NFKBIZ: variants seen among roughly 807,000 people sequenced by gnomAD.
NFKBIZ encodes NFKB inhibitor zeta.
In NFKBIZ, 19 loss-of-function variants were observed where a neutral mutation model predicts 76.8. That is an observed-to-expected ratio of 0.25 (90% CI 0.17 to 0.36). The LOEUF (loss-of-function observed/expected upper bound fraction) is 0.36, where lower values mean the gene tolerates loss of function less well. Ranked by LOEUF, NFKBIZ falls within the 10% of genes least tolerant of loss-of-function variation. NFKBIZ has a pLI of 1.00. For missense variants in NFKBIZ, 829 were observed against 910.9 expected (o/e 0.91, Z 1.16); for synonymous variants, 368 against 354.8 (o/e 1.04, Z -0.42).
chr3:101,855,509 A>T, intron 8 of NFKBIZ, 51 bp downstream of exon 8: 1 of 1,532,168 alleles, frequency 6.5e-7, no homozygotes, highest in Non-Finnish European at 9.0e-7. Flanking sequence ...GGGAACCATA[A>T]GGTCTAAGGG....
At chr3:101,849,275 G>T, upstream of NFKBIZ, 1 of 185,472 alleles carries the variant, frequency 5.4e-6, no homozygotes, top group Admixed American at 6.2e-5. Flanking sequence ...GCGCGCTGTC[G>T]GGGTTTCCCG....
intron 1 of NFKBIZ, chr3:101,850,460 C>T (rs946673354): frequency 1.3e-5 from 2 of 152,164 alleles, no homozygotes; most frequent in African/African-American, 2.4e-5. Context: ...TCAAGTTATG[C>T]CTTTAGTTTG....
upstream of NFKBIZ, among the ~76,000 whole-genome samples, chr3:101,845,456 G>T (rs143383390): frequency 6.6e-6 from 1 of 151,976 alleles, no homozygotes; most frequent in East Asian, 2.0e-4. Context: ...ACCATGCCCA[G>T]CTAATTTTTA....
At chr3:101,851,344 A>G (rs994988993) in intron 1 of NFKBIZ, among the ~76,000 whole-genome samples, 29 of 152,262 alleles carry the variant, frequency 1.9e-4, no homozygotes, top group African/African-American at 7.0e-4. Flanking sequence ...AAACAAGCAT[A>G]TTTCCTTTTT....
At chr3:101,855,499 GGGAACCA>G in intron 8 of NFKBIZ, 41 bp downstream of exon 8, 1 of 1,571,248 alleles carries the variant, frequency 6.4e-7, no homozygotes, top group Non-Finnish European at 8.8e-7. Flanking sequence ...GCCACTTAGG[GGGAACCA>G]TAAGGTCTAA....
rs1312794072 is a variant in NFKBIZ, at chr3:101,854,490, G to A, written c.1338-88G>A. The stretch of plus-strand genomic sequence containing the variant: ...GAGTGTACCAATATATAAAAAGGGG[G>A]CTAAAGGAAGATTTTTTTTTTTTTT... On this transcript the variant is annotated intron_variant, in intron 5 of 11. Coordinates refer to ENST00000326172, the MANE Select transcript of NFKBIZ (RefSeq NM_031419.4). The A allele has an allele frequency of 2.3e-5, 18 of 791,202 alleles. No individual in the cohort carries two copies. In the East Asian group the frequency reaches 3.1e-4, roughly 14 times the overall value. The allele number at this position is 791,202 out of a possible 1,614,324, so 49.0% of individuals were successfully genotyped here. A position where few individuals can be genotyped will look rare whatever the true frequency, so the allele number is the denominator to read the frequency against.
Position 101,853,338 on chromosome 3 carries a change from C to A in NFKBIZ, c.812C>A (p.Pro271Gln). Residue 271 changes from proline (P) to glutamine (Q), a missense_variant, in exon 5 of 12, where the codon CCA (proline) becomes CAA (glutamine). By Grantham distance (76) the Pro-to-Gln change is moderately conservative. Around this residue, in one of 4 missense-constraint regions of NFKBIZ, gnomAD observed 371 missense variants for 332.3 expected, o/e 1.12. Coordinates refer to ENST00000326172, the MANE Select transcript of NFKBIZ (RefSeq NM_031419.4). ...TTTTCTCCACCTCAGAAATGCCAAC[C>A]ATTCCAAGTCAGGGGCTCCCAACAA... ...QVFSPPQKCQ[P>Q]FQVRGSQQMI... The A allele has an allele frequency of 6.2e-7, 1 of 1,614,164 alleles. No homozygotes were observed. Among genetic ancestry groups the A allele is most frequent in the Non-Finnish European group, 8.5e-7 (1 of 1,180,044 alleles).
rs1185417542 is a variant in NFKBIZ, at chr3:101,849,751, C to T, written c.123C>T (p.Pro41=). Residue 41 remains proline, a synonymous_variant, in exon 1 of 12, where the codon CCC becomes CCT. Transcript: ENST00000326172. ...NLSYFYGASP[P]AAAPGACDAS... is the part of the protein sequence containing the mutation. Reference sequence around the variant, plus strand: ...GCTACTTCTACGGCGCGTCGCCGCCCGCCGCCGCCCCGGGCGCCTGCGACG... The same window carrying T: ...GCTACTTCTACGGCGCGTCGCCGCCTGCCGCCGCCCCGGGCGCCTGCGACG... 2 of 1,450,102 alleles carry T rather than the reference C, an allele frequency of 1.4e-6. No individual in the cohort carries two copies. Among genetic ancestry groups the T allele is most frequent in the Non-Finnish European group, 1.8e-6 (2 of 1,106,588 alleles). 89.8% of individuals were successfully genotyped at this position (1,450,102 alleles called of 1,614,324 possible).
intron 1 of NFKBIZ, among the ~76,000 whole-genome samples, chr3:101,851,581 A>G (rs1181599813): frequency 6.6e-6 from 1 of 152,234 alleles, no homozygotes; most frequent in Non-Finnish European, 1.5e-5. Context: ...AGCGGAATTG[A>G]TAGACTTTAA....
intron 5 of NFKBIZ, among the ~76,000 whole-genome samples, chr3:101,854,089 A>G (rs1224460462): frequency 6.6e-6 from 1 of 152,202 alleles, no homozygotes; most frequent in African/African-American, 2.4e-5. Flanking sequence ...CTAAATTGAT[A>G]AAAATATCTG....
intron 2 of NFKBIZ, among the ~76,000 whole-genome samples, chr3:101,844,320 T>C (rs1942823260): frequency 6.6e-6 from 1 of 152,264 alleles, no homozygotes; most frequent in African/African-American, 2.4e-5. Flanking sequence ...TTAATATTGT[T>C]ACTGCTTCAT....
intron 9 of NFKBIZ, among the ~76,000 whole-genome samples, chr3:101,856,340 G>A (rs568296575): frequency 1.3e-5 from 2 of 152,270 alleles, no homozygotes; most frequent in East Asian, 1.9e-4. Context: ...GTGAGCCACC[G>A]CGCCCGGCCA....
At chr3:101,843,307 G>C (rs140634607) in intron 2 of NFKBIZ, among the ~76,000 whole-genome samples, 117 of 152,180 alleles carry the variant, frequency 7.7e-4, no homozygotes, top group African/African-American at 2.7e-3. Flanking sequence ...GCCAGGCCTG[G>C]TGGGGCATGC....
rs181006831 is a variant in NFKBIZ at position 101,834,837 on chromosome 3, G to A, written c.-12+5149G>A. 2.3e-4 allele frequency among the ~76,000 whole-genome samples: 35 copies of A among 152,276 alleles called. 1 individual carries two copies. Among genetic ancestry groups the A allele is most frequent in the Admixed American group, 2.1e-3 (32 of 15,302 alleles). On this transcript the variant is annotated intron_variant, in intron 2 of 12. Coordinates refer to the NFKBIZ transcript ENST00000394054. Reference sequence around the variant, plus strand: ...CTTCCACACAGCTGCCACTGTGATCGTGTTTTTATCTTGTTCGAAACCCCT... The same window carrying A: ...CTTCCACACAGCTGCCACTGTGATCATGTTTTTATCTTGTTCGAAACCCCT...
chr3:101,841,145 T>A (rs1259253596), intron 2 of NFKBIZ, among the ~76,000 whole-genome samples: 3 of 152,216 alleles, frequency 2.0e-5, no homozygotes, highest in African/African-American at 7.2e-5. Flanking sequence ...TGGTATACTG[T>A]GCTTTGATAT....
chr3:101,852,344 C>CA (rs1248418966), intron 2 of NFKBIZ, 120 bp downstream of exon 2: 2 of 1,237,650 alleles, frequency 1.6e-6, no homozygotes, highest in East Asian at 4.6e-5. Context: ...CATAAGATGA[C>CA]AAAGTCCATA....
rs754103884 is a variant in NFKBIZ, at chr3:101,852,905, A to G, written c.480A>G (p.Ser160=). The G allele has an allele frequency of 6.2e-7, 1 of 1,614,206 alleles. No homozygotes were observed. The highest frequency in any genetic ancestry group is 2.2e-5 in the East Asian group (1 of 44,890). Reference sequence around the variant, plus strand: ...GTACAGAATTGAAGAACACAGTATCATACAGTGGGAAAAGGAAAGGGCCCG... The same window carrying G: ...GTACAGAATTGAAGAACACAGTATCGTACAGTGGGAAAAGGAAAGGGCCCG... The part of the protein sequence containing the change: ...EQFRELKNTV[S]YSGKRKGPDS... The change falls in exon 4 of 12, where the codon TCA becomes TCG. Residue 160 remains serine (S), a synonymous_variant. Transcript: ENST00000326172.
At position 101,833,413 on chromosome 3, in the gene NFKBIZ, T is replaced by A. The variant is rs114263239; in HGVS notation, c.-12+3725T>A. Among the ~76,000 whole-genome samples, 1,405 of 152,270 alleles carry A rather than the reference T, an allele frequency of 9.2e-3. 17 individuals carry two copies. Among genetic ancestry groups the A allele is most frequent in the African/African-American group, 0.032 (1,336 of 41,554 alleles). Reference sequence around the variant, plus strand: ...TAGCACAGGGTGACTTCATAAATTTTGGTTGAACAAATAACCCAGGGTGGA... The same window carrying A: ...TAGCACAGGGTGACTTCATAAATTTAGGTTGAACAAATAACCCAGGGTGGA... On this transcript the variant is annotated intron_variant, in intron 2 of 12. Coordinates refer to the NFKBIZ transcript ENST00000394054.
At chr3:101,845,805 A>G (rs924244176), upstream of NFKBIZ, among the ~76,000 whole-genome samples, 2 of 152,136 alleles carry the variant, frequency 1.3e-5, no homozygotes, top group Non-Finnish European at 2.9e-5. Context: ...TTTGGATTAG[A>G]TTTCTCCCCT....
Sources: allele counts gnomAD v4.1 joint callset (sites outside exome capture counted in the v4.1 genomes callset), GRCh38; gene constraint gnomAD v4.1.1; regional missense constraint gnomAD v4.1.1; transcripts MANE v1.5; gene names NCBI Gene and HGNC (gene_info 2026-07-23, HGNC 2026-07-21).